Variants in SLCO3A1 observed in about 807,000 individuals in gnomAD.
SLCO3A1 encodes PGE1 transporter.
Under a neutral mutation model 63.1 loss-of-function variants are expected in SLCO3A1, and 27 were observed. The ratio of observed to expected loss-of-function variants is 0.43; its 90% CI spans 0.32 to 0.59. The LOEUF (loss-of-function observed/expected upper bound fraction) is 0.59. Among genes scored for constraint, SLCO3A1 ranks in the 20% least tolerant of loss-of-function variants. The probability of loss-of-function intolerance (pLI) is 0.09; values close to 1 mark genes in which losing one functional copy is unlikely to be tolerated. For synonymous variants in SLCO3A1, 473 were observed against 409.9 expected, an observed-to-expected ratio of 1.15 and a Z score of -1.86; for missense variants, 773 against 945.8, an observed-to-expected ratio of 0.82 and a Z score of 2.40.
rs947021256 is a variant in SLCO3A1, at chr15:91,975,993, G to A, written c.646+59535G>A. 7.2e-5 allele frequency among the ~76,000 whole-genome samples: 11 copies of A among 152,276 alleles called. No individual in the cohort carries two copies. The East Asian group carries it at 1.7e-3, about 24-fold the overall frequency. On this transcript the variant is annotated intron_variant, in intron 2 of 9. Transcript: ENST00000318445. ...GCTTGCAGCACCTCACTTGATTATT[G>A]GGTTGTTAGAGAGAGGCAGTGTGTG...
chr15:92,033,972 T>C lies in SLCO3A1; in HGVS notation c.647-60909T>C, dbSNP rs1384323663. Among the ~76,000 whole-genome samples the C allele has an allele frequency of 6.6e-6, 1 of 151,526 alleles. No homozygotes were observed. The highest frequency in any genetic ancestry group is 2.0e-4 in the East Asian group (1 of 5,092). ...CAGTGAGGGAGGGGGAGGAGCAGAA[T>C]GAATGGGGGCGCCATGGCAGATCAC... On this transcript the variant is annotated intron_variant, in intron 2 of 9. Transcript: ENST00000318445. The surrounding 1 kb of genome is among the most constrained non-coding windows in gnomAD (Gnocchi z 4.5).
intron 2 of SLCO3A1, among the ~76,000 whole-genome samples, chr15:92,092,532 C>T (rs903214503): frequency 5.3e-5 from 8 of 152,094 alleles, no homozygotes; most frequent in Non-Finnish European, 1.0e-4. Context: ...GTAACTCTGA[C>T]TGCTGGCTTA....
At chr15:91,892,579 G>A (rs1387811794) in intron 1 of SLCO3A1, among the ~76,000 whole-genome samples, 1 of 152,182 alleles carries the variant, frequency 6.6e-6, no homozygotes, top group Non-Finnish European at 1.5e-5. Flanking sequence ...TGTCCATAAA[G>A]GCATCCTGGC....
chr15:91,891,651 C>A (rs1040881811), intron 1 of SLCO3A1, among the ~76,000 whole-genome samples: 3 of 152,212 alleles, frequency 2.0e-5, no homozygotes, highest in African/African-American at 7.2e-5. Context: ...GAATGTCTTA[C>A]AGGGTAATGT....
rs1897030389 is a variant in SLCO3A1 at position 91,860,832 on chromosome 15, A to C, written c.180+6744A>C. Among the ~76,000 whole-genome samples, 1 of 152,084 alleles carries C rather than the reference A, an allele frequency of 6.6e-6. No individual in the cohort carries two copies. The highest frequency in any genetic ancestry group is 1.5e-5 in the Non-Finnish European group (1 of 68,014). ...CTTGCAGTATTAAGTGGACTCTGGC[A>C]AGCAGGTCTGTGGGCATTTCCCCAC... On this transcript the variant is annotated intron_variant, in intron 1 of 9. Transcript: ENST00000318445. The surrounding 1 kb of genome is among the most constrained non-coding windows in gnomAD (Gnocchi z 5.5).
chr15:91,854,244 G>A lies in SLCO3A1; in HGVS notation c.180+156G>A, dbSNP rs1190648979. ...GCGAGTGGTGCAGAGGCGGCCGCCGGGGGAGCTGCCGGCCGGGGCTGCCAG... is the reference window on the plus strand; with the variant it reads ...GCGAGTGGTGCAGAGGCGGCCGCCGAGGGAGCTGCCGGCCGGGGCTGCCAG... On this transcript the variant is annotated intron_variant, in intron 1 of 9. Coordinates refer to ENST00000318445, the MANE Select transcript of SLCO3A1 (RefSeq NM_013272.4). The surrounding 1 kb of genome is among the most constrained non-coding windows in gnomAD (Gnocchi z 6.4). The A allele has an allele frequency of 2.7e-6, 3 of 1,117,952 alleles. No homozygotes were observed. In the African/African-American group the frequency reaches 4.9e-5, roughly 18 times the overall value. The allele number at this position is 1,117,952 out of a possible 1,614,324, so 69.3% of individuals were successfully genotyped here. A position where few individuals can be genotyped will look rare whatever the true frequency, so the allele number is the denominator to read the frequency against.
intron 2 of SLCO3A1, among the ~76,000 whole-genome samples, chr15:91,986,883 A>T (rs1597190644): frequency 6.6e-6 from 1 of 152,354 alleles, no homozygotes; most frequent in South Asian, 2.1e-4. Flanking sequence ...GTCAAGGCAT[A>T]TGGGGAGAAG....
chr15:91,931,050 G>A (rs999084019), intron 2 of SLCO3A1, among the ~76,000 whole-genome samples: 5 of 152,146 alleles, frequency 3.3e-5, no homozygotes, highest in African/African-American at 9.7e-5. Context: ...TTATAGATGT[G>A]GAGCTGGAAA....
chr15:92,082,599 T>G (rs762875146), intron 2 of SLCO3A1, among the ~76,000 whole-genome samples: 6 of 152,222 alleles, frequency 3.9e-5, no homozygotes, highest in Non-Finnish European at 7.3e-5. Context: ...TTGGACTCAT[T>G]GTTCCTGAAA....
intron 2 of SLCO3A1, among the ~76,000 whole-genome samples, chr15:92,047,690 G>A (rs74030427): frequency 0.034 from 4,553 of 133,266 alleles, 293 homozygotes; most frequent in African/African-American, 0.13. Flanking sequence ...TGGCCCCACT[G>A]TTTAAAATGG....
intron 2 of SLCO3A1, among the ~76,000 whole-genome samples, chr15:92,006,457 A>T (rs1404522540): frequency 1.3e-5 from 2 of 152,206 alleles, no homozygotes; most frequent in South Asian, 4.1e-4. Flanking sequence ...ATATTAGGTC[A>T]TGAGCTTGCT....
At chr15:92,069,747 C>T (rs1597281455) in intron 2 of SLCO3A1, among the ~76,000 whole-genome samples, 2 of 152,288 alleles carry the variant, frequency 1.3e-5, no homozygotes, top group South Asian at 2.1e-4. Context: ...ATCCCTCACT[C>T]GAGCTCTGCT....
chr15:91,988,717 G>A (rs2046087194), intron 2 of SLCO3A1, among the ~76,000 whole-genome samples: 1 of 152,140 alleles, frequency 6.6e-6, no homozygotes, highest in Non-Finnish European at 1.5e-5. Flanking sequence ...GTCCTAACAA[G>A]TTCCCAGGTG....
intron 2 of SLCO3A1, among the ~76,000 whole-genome samples, chr15:92,053,684 G>GTTTTTTTTTTTTTTTTTT (rs1567092399): frequency 6.7e-5 from 1 of 14,920 alleles, no homozygotes; most frequent in African/African-American, 1.1e-4. Context: ...TTGTTTTTTT[G>GTTTTTTTTTTTTTTTTTT]TTTGTTTGTT....
intron 2 of SLCO3A1, among the ~76,000 whole-genome samples, chr15:91,953,463 T>G (rs1020906136): frequency 1.3e-5 from 2 of 151,912 alleles, no homozygotes; most frequent in Non-Finnish European, 2.9e-5. Flanking sequence ...TTGGGGAGGC[T>G]TAGGAGAGTT....
rs1217060319 is a variant in SLCO3A1, at chr15:91,948,105, C to T, written c.646+31647C>T. ...GAGATTGACTTCTGCATTCCTTGCT[C>T]AGCTTTCCACACCCTAATAAAAGTC... On this transcript the variant is annotated intron_variant, in intron 2 of 9. Coordinates refer to ENST00000318445, the MANE Select transcript of SLCO3A1 (RefSeq NM_013272.4). The surrounding 1 kb of genome is among the most constrained non-coding windows in gnomAD (Gnocchi z 4.8). Among the ~76,000 whole-genome samples, 3 of 152,220 alleles carry T rather than the reference C, an allele frequency of 2.0e-5. No individual in the cohort carries two copies. Among genetic ancestry groups the T allele is most frequent in the Admixed American group, 6.5e-5 (1 of 15,288 alleles).
At chr15:92,052,276 C>T (rs2046967422) in intron 2 of SLCO3A1, among the ~76,000 whole-genome samples, 1 of 152,142 alleles carries the variant, frequency 6.6e-6, no homozygotes, top group Non-Finnish European at 1.5e-5. Context: ...TCTCTCTCTC[C>T]ACTTTGAGCC....
intron 2 of SLCO3A1, among the ~76,000 whole-genome samples, chr15:92,057,774 T>G (rs564024926): frequency 6.6e-6 from 1 of 152,332 alleles, no homozygotes; most frequent in South Asian, 2.1e-4. Flanking sequence ...ATCCCATTTC[T>G]CAGTGGACAA....
chr15:92,075,319 C>A (rs549304875), intron 2 of SLCO3A1, among the ~76,000 whole-genome samples: 7 of 152,290 alleles, frequency 4.6e-5, no homozygotes, highest in Admixed American at 1.3e-4. Context: ...TAGATCCTTA[C>A]TTCTCCCAAA....
Sources: gnomAD v4.1 joint callset for allele counts (sites outside exome capture counted in the v4.1 genomes callset) on GRCh38, gnomAD v4.1.1 for gene constraint, Gnocchi (gnomAD v3.1) non-coding constraint, MANE v1.5 for transcripts, NCBI Gene and HGNC (gene_info 2026-07-23, HGNC 2026-07-21) for gene names.